Variants in ST3GAL6 observed in about 807,000 individuals in gnomAD.
ST3GAL6 encodes ST3 beta-galactoside alpha-2,3-sialyltransferase 6.
Under a neutral mutation model 40.5 loss-of-function variants are expected in ST3GAL6, and 31 were observed. The observed-to-expected ratio is 0.77, with a 90% confidence interval of 0.58 to 1.03. The LOEUF is 1.03. Among genes scored for constraint, ST3GAL6 ranks in the 50% least tolerant of loss-of-function variants. ST3GAL6 has a pLI of 0.00. For missense variants in ST3GAL6, 357 were observed against 393.2 expected, an observed-to-expected ratio of 0.91 and a Z score of 0.78; for synonymous variants, 129 against 136.9, an observed-to-expected ratio of 0.94 and a Z score of 0.40.
At chr3:98,760,204 C>A (rs762526931), upstream of ST3GAL6, among the ~76,000 whole-genome samples, 1 of 152,144 alleles carries the variant, frequency 6.6e-6, no homozygotes, top group African/African-American at 2.4e-5. Flanking sequence ...CTGATCTTCT[C>A]GGCTGGATAC....
chr3:98,785,401 C>G (rs1056900422), intron 6 of ST3GAL6, among the ~76,000 whole-genome samples: 2 of 152,172 alleles, frequency 1.3e-5, no homozygotes, highest in South Asian at 4.1e-4. Flanking sequence ...TTGAATGGCT[C>G]CTTTGTAATG....
rs1274935390 is a variant in ST3GAL6, at chr3:98,756,370, A to C, written c.-11-12060A>C. On this transcript the variant is annotated intron_variant, in intron 1 of 9. Coordinates refer to the ST3GAL6 transcript ENST00000265261. ...TACTATCTTTATGTTTTATTTCAGC[A>C]TTTGCAAGTGAGGAAGCAGCACAAC... 4 of 1,289,770 alleles carry C rather than the reference A, an allele frequency of 3.1e-6. No individual in the cohort carries two copies. The East Asian group carries it at 1.7e-4, about 54-fold the overall frequency. 79.9% of individuals were successfully genotyped at this position (1,289,770 alleles called of 1,614,324 possible).
chr3:98,735,794 T>C (rs1236993067), intron 1 of ST3GAL6, among the ~76,000 whole-genome samples: 2 of 149,602 alleles, frequency 1.3e-5, no homozygotes, highest in Non-Finnish European at 3.0e-5. Context: ...ATAGAATGTA[T>C]ACATTGGATA....
intron 1 of ST3GAL6, among the ~76,000 whole-genome samples, chr3:98,744,454 A>C (rs828595): frequency 0.49 from 74,400 of 152,038 alleles, 18,545 homozygotes; most frequent in Middle Eastern, 0.58. Context: ...AACTGACTCA[A>C]AAACTGCCTC....
intron 1 of ST3GAL6, among the ~76,000 whole-genome samples, chr3:98,742,080 T>C (rs1259799399): frequency 1.3e-5 from 2 of 152,238 alleles, no homozygotes; most frequent in Non-Finnish European, 2.9e-5. Flanking sequence ...AGCTTCATTT[T>C]ACACAATTAT....
intron 7 of ST3GAL6, 42 bp downstream of exon 7, chr3:98,788,264 G>C: frequency 6.3e-7 from 1 of 1,590,570 alleles, no homozygotes; most frequent in Non-Finnish European, 8.6e-7. Context: ...TACCTTTAGT[G>C]CTTTTTTTCC....
chr3:98,772,813 G>A lies in ST3GAL6; in HGVS notation c.168G>A (p.Arg56=), dbSNP rs1021840502. Reference sequence around the variant, plus strand: ...ATCATTCTTTATCCTTTCCTTCCAGGTTTCATCAGTTTCACCCTTTTCTGT... The same window carrying A: ...ATCATTCTTTATCCTTTCCTTCCAGATTTCATCAGTTTCACCCTTTTCTGT... ...LSKPAFASLL[R]FHQFHPFLCA... Residue 56 remains arginine (R), a splice_region_variant and synonymous_variant, in exon 4 of 10, where the codon AGG becomes AGA. Coordinates refer to ENST00000483910, the MANE Select transcript of ST3GAL6 (RefSeq NM_001323368.2). The A allele has an allele frequency of 2.5e-6, 4 of 1,609,664 alleles. No homozygotes were observed. The highest frequency in any genetic ancestry group is 3.4e-6 in the Non-Finnish European group (4 of 1,176,558).
chr3:98,795,129 TGA>T lies in ST3GAL6; in HGVS notation c.*1372_*1373del, dbSNP rs1379851063. On this transcript the variant is annotated 3_prime_UTR_variant, in exon 10 of 10. Coordinates refer to ENST00000483910, the MANE Select transcript of ST3GAL6 (RefSeq NM_001323368.2). The stretch of plus-strand genomic sequence containing the variant: ...CAAAGGCCATCTGGAGGTAGGGGAA[TGA>T]GAGGTGAAGAAACAGAAAAATAGAG... 1.3e-5 allele frequency: 2 copies of T among 152,030 alleles called. No individual in the cohort carries two copies. The highest frequency in any genetic ancestry group is 4.8e-5 in the African/African-American group (2 of 41,378). 9.4% of individuals were successfully genotyped at this position (152,030 alleles called of 1,614,324 possible). A position where few individuals can be genotyped will look rare whatever the true frequency, so the allele number is the denominator to read the frequency against.
intron 1 of ST3GAL6, among the ~76,000 whole-genome samples, chr3:98,738,644 G>A (rs763467933): frequency 2.0e-5 from 3 of 152,162 alleles, no homozygotes; most frequent in Non-Finnish European, 4.4e-5. Context: ...ATGATAAAGG[G>A]TTCAATTCAA....
intron 1 of ST3GAL6, chr3:98,733,629 C>T (rs1165923274): frequency 3.0e-6 from 3 of 984,416 alleles, no homozygotes; most frequent in Non-Finnish European, 3.6e-6. Flanking sequence ...TGTTAATTTT[C>T]AAGATAAGGG....
intron 1 of ST3GAL6, among the ~76,000 whole-genome samples, chr3:98,765,600 A>G (rs1223821669): frequency 1.3e-5 from 2 of 152,180 alleles, no homozygotes; most frequent in Admixed American, 6.5e-5. Flanking sequence ...ATTGGGTTAC[A>G]TATCTTAGTT....
chr3:98,785,161 A>C, intron 6 of ST3GAL6, 121 bp downstream of exon 6: 1 of 637,778 alleles, frequency 1.6e-6, no homozygotes, highest in Non-Finnish European at 2.7e-6. Flanking sequence ...TTTTTATTGC[A>C]CAACCTTCTC....
rs191899899 is a variant in ST3GAL6 at position 98,733,339 on chromosome 3, G to A, written c.-12+807G>A. The A allele has an allele frequency of 3.2e-4, 359 of 1,132,488 alleles. 1 individual carries two copies. The African/African-American group carries it at 5.4e-3, about 17-fold the overall frequency. The allele number at this position is 1,132,488 out of a possible 1,614,324, so 70.2% of individuals were successfully genotyped here. On this transcript the variant is annotated intron_variant, in intron 1 of 9. Transcript: ENST00000265261. The stretch of plus-strand genomic sequence containing the variant: ...GGTAAGCCCAGGAGCCGTGGGGGCC[G>A]AGAGAATCTGCTCTGGGACCCTCTT...
chr3:98,771,025 CTTGT>C (rs1938928793), intron 3 of ST3GAL6, 69 bp downstream of exon 3: 5 of 1,567,800 alleles, frequency 3.2e-6, no homozygotes, highest in Non-Finnish European at 2.6e-6. Flanking sequence ...ATTTTCCACA[CTTGT>C]TTATTTTTTT....
At chr3:98,770,837 G>A (rs376361097) in intron 2 of ST3GAL6, 42 bp from the exon 3 acceptor site, 19 of 1,575,924 alleles carry the variant, frequency 1.2e-5, no homozygotes, top group Non-Finnish European at 1.7e-5. Context: ...TGGGCAGGGT[G>A]CCCGATTCTG....
chr3:98,757,929 G>A (rs560601640), intron 1 of ST3GAL6, among the ~76,000 whole-genome samples: 4 of 151,558 alleles, frequency 2.6e-5, no homozygotes, highest in South Asian at 2.1e-4. Context: ...TCTGCCTCCC[G>A]GGTTCAAGCA....
chr3:98,772,863 C>T lies in ST3GAL6; in HGVS notation c.218C>T (p.Ala73Val). 2 of 1,613,336 alleles carry T rather than the reference C, an allele frequency of 1.2e-6. No homozygotes were observed. The highest frequency in any genetic ancestry group is 1.1e-5 in the South Asian group (1 of 91,048). ...FLCAADFRKI[A>V]SLYGSDKFDL... ...TGTGCGGCTGATTTTAGAAAGATTGCTTCCTTGTATGGTAGCGATAAGTTT... is the reference window on the plus strand; with the variant it reads ...TGTGCGGCTGATTTTAGAAAGATTGTTTCCTTGTATGGTAGCGATAAGTTT... The change falls in exon 4 of 10, where the codon GCT becomes GTT. Residue 73 changes from alanine (A) to valine (V), a missense_variant. Coordinates refer to ENST00000483910, the MANE Select transcript of ST3GAL6 (RefSeq NM_001323368.2).
chr3:98,770,167 C>T (rs3755573), intron 2 of ST3GAL6, among the ~76,000 whole-genome samples: 74,974 of 152,046 alleles, frequency 0.49, 19,217 homozygotes, highest in African/African-American at 0.62. Context: ...CTTCACATAA[C>T]TGATGATCAT....
chr3:98,772,991 T>C, intron 4 of ST3GAL6, 75 bp downstream of exon 4: 1 of 880,800 alleles, frequency 1.1e-6, no homozygotes, highest in Middle Eastern at 2.2e-4. Context: ...TAATATAATT[T>C]TAAGGGCTTT....
Sources: gnomAD v4.1 joint callset for allele counts (sites outside exome capture counted in the v4.1 genomes callset) on GRCh38, gnomAD v4.1.1 for gene constraint, MANE v1.5 for transcripts, NCBI Gene and HGNC (gene_info 2026-07-23, HGNC 2026-07-21) for gene names.